The following DHX58 variants were observed in gnomAD, a reference collection of about 807,000 sequenced individuals.
DHX58 encodes DExH-box helicase 58.
Under a neutral mutation model 65.0 loss-of-function variants are expected in DHX58, and 51 were observed. The observed-to-expected ratio is 0.78, with a 90% CI of 0.63 to 0.99. The LOEUF (loss-of-function observed/expected upper bound fraction) is 0.99. Ranked by LOEUF, DHX58 falls within the 50% of genes least tolerant of loss-of-function variation. The pLI, the probability that DHX58 is intolerant of heterozygous loss-of-function variation, is 0.00. For synonymous variants in DHX58, 350 were observed against 365.0 expected, an observed-to-expected ratio of 0.96 and a Z score of 0.47; for missense variants, 773 against 891.8, an observed-to-expected ratio of 0.87 and a Z score of 1.70.
chr17:42,109,522 G>C, intron 5 of DHX58, 136 bp from the exon 6 acceptor site: 1 of 684,106 alleles, frequency 1.5e-6, no homozygotes, highest in Non-Finnish European at 2.4e-6. Flanking sequence ...CGCCCTCTCT[G>C]TGCCCGTCTT....
Position 42,111,756 on chromosome 17 carries a change from T to A in DHX58, c.137A>T (p.Asp46Val), listed in dbSNP as rs782024053. ...GACCAATACAACCACCTTGGCTCCA[T>A]CCACAGTCTCTAGGTGCCGCTTGGC... ...YVAKRHLETV[D>V]GAKVVVLVNR... is the part of the protein sequence containing the mutation. Residue 46 changes from aspartate to valine, a missense_variant, in exon 3 of 14, where the codon GAT becomes GTT. Asp to Val is a radical substitution (Grantham distance 152). Transcript: ENST00000251642. The A allele has an allele frequency of 3.7e-6, 6 of 1,613,588 alleles. No homozygotes were observed. The African/African-American group carries it at 8.0e-5, about 22-fold the overall frequency.
At position 42,107,613 on chromosome 17, in the gene DHX58, G is replaced by A; in HGVS notation, c.988C>T (p.Leu330=). The A allele has an allele frequency of 2.1e-6, 3 of 1,423,370 alleles. No homozygotes were observed. The highest frequency in any genetic ancestry group is 2.3e-5 in the South Asian group (2 of 87,088). The allele number at this position is 1,423,370 out of a possible 1,614,324, so 88.2% of individuals were successfully genotyped here. A position where few individuals can be genotyped will look rare whatever the true frequency, so the allele number is the denominator to read the frequency against. ...CCCTCCCGCCCCTCACCATCGAACA[G>A]GGCCAGCAGCCGGCGCTCGGCACAC... ...ILCAERRLLA[L]FDDRKNELAH... Residue 330 remains leucine, a synonymous_variant, in exon 8 of 14, where the codon CTG becomes TTG. Coordinates refer to ENST00000251642, the MANE Select transcript of DHX58 (RefSeq NM_024119.3).
chr17:42,103,512 C>T lies in DHX58; in HGVS notation c.1754+96G>A, dbSNP rs996359266. On this transcript the variant is annotated intron_variant, in intron 12 of 13. Transcript: ENST00000251642. The stretch of plus-strand genomic sequence containing the variant: ...TTATTGTGAAAATGCAAAGTACTTG[C>T]TACAATGCTCTTTAGCTTCCCAAAG... 8.3e-6 allele frequency: 12 copies of T among 1,446,868 alleles called. No homozygotes were observed. The South Asian group carries it at 1.5e-4, about 18-fold the overall frequency. 89.6% of individuals were successfully genotyped at this position (1,446,868 alleles called of 1,614,324 possible).
rs2053979862 is a variant in DHX58, at chr17:42,101,704, T to C, written c.*57A>G. The C allele has an allele frequency of 6.3e-7, 1 of 1,584,300 alleles. No homozygotes were observed. Among genetic ancestry groups the C allele is most frequent in the Admixed American group, 1.7e-5 (1 of 58,738 alleles). ...ATTCAGGAAGGAGGGGCCTGGAGTC[T>C]GCTGCAGACTCTCCCGCCCCCTACA... On this transcript the variant is annotated 3_prime_UTR_variant, in exon 14 of 14. Transcript: ENST00000251642.
chr17:42,110,722 C>A lies in DHX58; in HGVS notation c.561+1G>T. 6.3e-7 allele frequency: 1 copy of A among 1,597,552 alleles called. No homozygotes were observed. Among genetic ancestry groups the A allele is most frequent in the Non-Finnish European group, 8.5e-7 (1 of 1,171,542 alleles). ...GGGAGGCCCACAGGGGCCAGGCTGA[C>A]CTGCAGGACGTGGTTGATGGCCCCA... On this transcript the variant is annotated splice_donor_variant, in intron 5 of 13. Coordinates refer to ENST00000251642, the MANE Select transcript of DHX58 (RefSeq NM_024119.3). LOFTEE classifies it high-confidence loss of function.
rs1477033912 is a variant in DHX58, at chr17:42,111,880, A to AC, written c.12dup (p.Ser5ValfsTer61). 2 of 1,608,828 alleles carry AC rather than the reference A, an allele frequency of 1.2e-6. No homozygotes were observed. Among genetic ancestry groups the AC allele is most frequent in the South Asian group, 2.2e-5 (2 of 90,518 alleles). On this transcript the variant is annotated frameshift_variant, in exon 3 of 14. Coordinates refer to ENST00000251642, the MANE Select transcript of DHX58 (RefSeq NM_024119.3). LOFTEE classifies it high-confidence loss of function. The stretch of plus-strand genomic sequence containing the variant: ...GGCATGATCACCTCCCATTGGTAGG[A>AC]CCGAAGCTCCATTCTGGGAATGGCA...
intron 10 of DHX58, 28 bp downstream of exon 10, chr17:42,104,990 G>A (rs376863750): frequency 6.2e-7 from 1 of 1,612,354 alleles, no homozygotes; most frequent in East Asian, 2.2e-5. Context: ...TCCTATAAGG[G>A]CGGCTGAGTG....
chr17:42,109,613 C>T (rs546969304), intron 5 of DHX58, among the ~76,000 whole-genome samples: 3 of 152,130 alleles, frequency 2.0e-5, no homozygotes, highest in Non-Finnish European at 2.9e-5. Context: ...ATAATAGAAC[C>T]GGCCAGGCAT....
chr17:42,107,505 G>C, intron 8 of DHX58, 99 bp downstream of exon 8: 2 of 1,343,906 alleles, frequency 1.5e-6, no homozygotes, highest in Admixed American at 3.0e-5. Context: ...GTATCCTCAC[G>C]GGCACCTTCC....
chr17:42,110,120 G>A (rs544265422), intron 5 of DHX58, among the ~76,000 whole-genome samples: 5 of 151,824 alleles, frequency 3.3e-5, no homozygotes, highest in African/African-American at 1.2e-4. Context: ...CTGGGAGGCG[G>A]AGGTTGCAGG....
chr17:42,111,204 C>T (rs1356469156), intron 4 of DHX58, 92 bp downstream of exon 4: 1 of 1,497,556 alleles, frequency 6.7e-7, no homozygotes, highest in African/African-American at 1.4e-5. Context: ...CCCACTAAAA[C>T]TCCCAACACC....
intron 7 of DHX58, 73 bp downstream of exon 7, chr17:42,107,909 C>A (rs1330762307): frequency 6.2e-7 from 1 of 1,600,858 alleles, no homozygotes; most frequent in Non-Finnish European, 8.5e-7. Context: ...GCCCCAAAGG[C>A]CTCCGCCCCG....
At chr17:42,110,583 T>C in intron 5 of DHX58, 140 bp downstream of exon 5, 1 of 870,828 alleles carries the variant, frequency 1.1e-6, no homozygotes, top group Non-Finnish European at 1.7e-6. Context: ...GGAGGCTGGG[T>C]CTTAGGTGAG....
At chr17:42,103,439 T>C in intron 12 of DHX58, 169 bp downstream of exon 12, 3 of 841,024 alleles carry the variant, frequency 3.6e-6, no homozygotes, top group Non-Finnish European at 5.4e-6. Flanking sequence ...TGAGCCTCTA[T>C]TTCCTTGCCT....
At chr17:42,107,575 C>A in intron 8 of DHX58, 29 bp downstream of exon 8, 1 of 1,519,080 alleles carries the variant, frequency 6.6e-7, no homozygotes, top group South Asian at 1.3e-5. Context: ...CCATCATCCC[C>A]GGCCCCGAAG....
chr17:42,104,657 C>T lies in DHX58; in HGVS notation c.1563+109G>A, dbSNP rs1598214566. On this transcript the variant is annotated intron_variant, in intron 11 of 13. Transcript: ENST00000251642. The stretch of plus-strand genomic sequence containing the variant: ...CCTTCCCTAGGTGGCCAAAGTTAGC[C>T]CCGAGATGTAGAGGGGACAGGGGGA... 3 of 1,456,382 alleles carry T rather than the reference C, an allele frequency of 2.1e-6. No individual in the cohort carries two copies. In the East Asian group the frequency reaches 7.0e-5, roughly 34 times the overall value. The allele number at this position is 1,456,382 out of a possible 1,614,324, so 90.2% of individuals were successfully genotyped here.
intron 11 of DHX58, 152 bp downstream of exon 11, chr17:42,104,614 C>T: frequency 1.0e-6 from 1 of 998,732 alleles, no homozygotes; most frequent in Non-Finnish European, 1.4e-6. Flanking sequence ...GGCAGCCCCA[C>T]CCCGGCCCTT....
rs147121502 is a variant in DHX58 at position 42,101,780 on chromosome 17, G to C, written c.2018C>G (p.Ser673Trp). ...DFLQHCAENL[S>W]DLSLD ...AGGTGGTCAGTCCAGGGAGAGGTCC[G>C]ACAAGTTCTCGGCACAATGCTGCAG... Residue 673 changes from serine (S) to tryptophan (W), a missense_variant, in exon 14 of 14, where the codon TCG (serine) becomes TGG (tryptophan). Transcript: ENST00000251642. 1 of 1,614,176 alleles carries C rather than the reference G, an allele frequency of 6.2e-7. No individual in the cohort carries two copies. Among genetic ancestry groups the C allele is most frequent in the Non-Finnish European group, 8.5e-7 (1 of 1,180,042 alleles).
chr17:42,108,185 G>A (rs1384810462), intron 6 of DHX58, 77 bp from the exon 7 acceptor site: 46 of 1,601,424 alleles, frequency 2.9e-5, no homozygotes, highest in East Asian at 6.7e-5. Flanking sequence ...TGACCCCGGC[G>A]TGTAGCACAC....
Sources: gnomAD v4.1 joint callset for allele counts (sites outside exome capture counted in the v4.1 genomes callset) on GRCh38, gnomAD v4.1.1 for gene constraint, MANE v1.5 for transcripts, NCBI Gene and HGNC (gene_info 2026-07-23, HGNC 2026-07-21) for gene names.